GUCY2C: variants seen among roughly 807,000 people sequenced by gnomAD.
GUCY2C encodes the protein guanylyl cyclase C.
In GUCY2C, 118 loss-of-function variants were observed where a neutral mutation model predicts 131.1. The ratio of observed to expected loss-of-function variants is 0.90; its 90% CI spans 0.78 to 1.05. The LOEUF (loss-of-function observed/expected upper bound fraction) is 1.05. Ranked by LOEUF, GUCY2C falls within the 50% of genes least tolerant of loss-of-function variation. The probability of loss-of-function intolerance (pLI) is 0.00; values close to 1 mark genes in which losing one functional copy is unlikely to be tolerated. For missense variants in GUCY2C, 1,161 were observed against 1,304.4 expected, an observed-to-expected ratio of 0.89 and a Z score of 1.69; for synonymous variants, 452 against 457.8, an observed-to-expected ratio of 0.99 and a Z score of 0.16.
chr12:14,660,810 A>T (rs751033283), intron 11 of GUCY2C, among the ~76,000 whole-genome samples, 171 bp downstream of exon 11: 1 of 152,214 alleles, frequency 6.6e-6, no homozygotes. Context: ...TATTCACTCA[A>T]TAATATTCTG....
intron 15 of GUCY2C, among the ~76,000 whole-genome samples, chr12:14,646,641 T>A (rs1450064273): frequency 1.3e-5 from 2 of 152,240 alleles, no homozygotes; most frequent in African/African-American, 4.8e-5. Context: ...CTCATTCTGG[T>A]ATTTTCTTTT....
At chr12:14,614,476 A>G (rs1946715566) in intron 26 of GUCY2C, 1 of 168,372 alleles carries the variant, frequency 5.9e-6, no homozygotes, top group Admixed American at 6.4e-5. Context: ...AAATAACAAA[A>G]TCTCCTCAAG....
rs201630867 is a variant in GUCY2C, at chr12:14,664,873, CATTT to C, written c.1283-3815_1283-3812del. On this transcript the variant is annotated intron_variant, in intron 10 of 26. Transcript: ENST00000261170. ...TCATTCATTCATTCATTCATTCATT[CATTT>C]ATTCATTCCAAGGCACTGTGTTGGG... Among the ~76,000 whole-genome samples, 131 of 150,894 alleles carry C rather than the reference CATTT, an allele frequency of 8.7e-4. 1 individual carries two copies. The highest frequency in any genetic ancestry group is 3.1e-3 in the African/African-American group (127 of 40,364).
intron 15 of GUCY2C, among the ~76,000 whole-genome samples, chr12:14,648,330 C>A (rs1366776859): frequency 6.6e-6 from 1 of 151,350 alleles, no homozygotes; most frequent in African/African-American, 2.4e-5. Context: ...AATGGAGTCA[C>A]AAATGTTGAA....
intron 21 of GUCY2C, among the ~76,000 whole-genome samples, chr12:14,622,670 G>T (rs757630856): frequency 5.9e-5 from 9 of 152,060 alleles, no homozygotes; most frequent in Admixed American, 1.3e-4. Flanking sequence ...ATGTAATATG[G>T]CATTGCTTAA....
Position 14,656,567 on chromosome 12 carries a change from G to A in GUCY2C, c.1415C>T (p.Pro472Leu), listed in dbSNP as rs760181030. 1.2e-6 allele frequency: 2 copies of A among 1,604,804 alleles called. No homozygotes were observed. Among genetic ancestry groups the A allele is most frequent in the South Asian group, 1.1e-5 (1 of 90,766 alleles). Residue 472 changes from proline (P) to leucine (L), a missense_variant, in exon 12 of 27, where the codon CCT (proline) becomes CTT (leucine). Physicochemically the swap from Pro to Leu is moderately conservative, Grantham distance 98. Transcript: ENST00000261170. ...ELRQKKWSHI[P>L]PENIFPLETN... is the part of the protein sequence containing the mutation. ...CTCCAGAGGAAAGATATTTTCAGGAGGAATGTGGGACCATTTTTTCTGACG... is the reference window on the plus strand; with the variant it reads ...CTCCAGAGGAAAGATATTTTCAGGAAGAATGTGGGACCATTTTTTCTGACG...
chr12:14,638,145 G>GC (rs1221721375), intron 19 of GUCY2C, among the ~76,000 whole-genome samples: 29 of 152,310 alleles, frequency 1.9e-4, no homozygotes, highest in African/African-American at 7.0e-4. Flanking sequence ...TCAGGGAAAT[G>GC]CAAGTCAAAA....
intron 19 of GUCY2C, among the ~76,000 whole-genome samples, chr12:14,635,192 A>G (rs1460061395): frequency 6.6e-6 from 1 of 152,222 alleles, no homozygotes; most frequent in Non-Finnish European, 1.5e-5. Context: ...AACATTCTCC[A>G]GGATAGACCA....
At position 14,626,208 on chromosome 12, in the gene GUCY2C, C is replaced by A. The variant is rs7304147; in HGVS notation, c.2250-293G>T. 0.83 allele frequency among the ~76,000 whole-genome samples: 126,456 copies of A among 151,952 alleles called. 57,054 individuals carry two copies. The highest frequency in any genetic ancestry group is 0.99 in the East Asian group (5,093 of 5,150). On this transcript the variant is annotated intron_variant, in intron 20 of 26. Transcript: ENST00000261170. ...TACAGAAATTAGCCGGGCATGGTGG[C>A]ACTACTCCAGAGGCCGAGGCAGGAG...
At chr12:14,692,158 A>G (rs1425196728) in intron 1 of GUCY2C, among the ~76,000 whole-genome samples, 1 of 152,152 alleles carries the variant, frequency 6.6e-6, no homozygotes, top group African/African-American at 2.4e-5. Context: ...CATTTTTATA[A>G]TTATACTAAG....
At chr12:14,645,473 C>A (rs1399853806) in intron 15 of GUCY2C, among the ~76,000 whole-genome samples, 158 bp from the exon 16 acceptor site, 1 of 152,092 alleles carries the variant, frequency 6.6e-6, no homozygotes, top group African/African-American at 2.4e-5. Flanking sequence ...TGTGTTTTTT[C>A]CTTTTCTGCA....
intron 17 of GUCY2C, among the ~76,000 whole-genome samples, chr12:14,642,360 C>T (rs555259686): frequency 3.2e-4 from 48 of 152,246 alleles, no homozygotes; most frequent in African/African-American, 1.1e-3. Flanking sequence ...CAACATGCTT[C>T]GTAAGTTTTT....
In GUCY2C at chr12:14,624,050, G is replaced by A. The variant is rs140357785; in HGVS notation, c.2408+1707C>T. Among the ~76,000 whole-genome samples, 3 of 152,294 alleles carry A rather than the reference G, an allele frequency of 2.0e-5. No homozygotes were observed. In the East Asian group the frequency reaches 5.8e-4, roughly 29 times the overall value. On this transcript the variant is annotated intron_variant, in intron 21 of 26. Coordinates refer to ENST00000261170, the MANE Select transcript of GUCY2C (RefSeq NM_004963.4). The stretch of plus-strand genomic sequence containing the variant: ...CTCATGTTGTAAATAAACGAAGGAA[G>A]GGCTGGGAGTTAACATGATGAGCTT...
At chr12:14,673,270 T>A (rs115208923) in intron 8 of GUCY2C, among the ~76,000 whole-genome samples, 2,096 of 152,276 alleles carry the variant, frequency 0.014, 51 homozygotes, top group African/African-American at 0.046. Context: ...TTGCTAAGAA[T>A]ATTTCCTGAA....
chr12:14,684,477 C>T (rs1397792529), intron 3 of GUCY2C, among the ~76,000 whole-genome samples: 1 of 151,202 alleles, frequency 6.6e-6, no homozygotes, highest in African/African-American at 2.4e-5. Context: ...AGAGGTGACC[C>T]TTCCCTTCTG....
chr12:14,692,446 A>T lies in GUCY2C; in HGVS notation c.217+3786T>A, dbSNP rs1055116834. ...TATTTATTTTTTTTGATGAATTTAT[A>T]AAAAATGTTTAAAATGTTTCTCAGT... On this transcript the variant is annotated intron_variant, in intron 1 of 26. Transcript: ENST00000261170. Among the ~76,000 whole-genome samples, 94 of 152,266 alleles carry T rather than the reference A, an allele frequency of 6.2e-4. 1 individual carries two copies. The highest frequency in any genetic ancestry group is 2.2e-3 in the African/African-American group (93 of 41,538).
At chr12:14,626,806 A>G (rs1947027513) in intron 20 of GUCY2C, among the ~76,000 whole-genome samples, 1 of 152,176 alleles carries the variant, frequency 6.6e-6, no homozygotes, top group Admixed American at 6.5e-5. Context: ...TTTTTTGAAG[A>G]CTGGTGGTCA....
At chr12:14,644,009 A>G (rs541714911) in intron 16 of GUCY2C, among the ~76,000 whole-genome samples, 1 of 152,324 alleles carries the variant, frequency 6.6e-6, no homozygotes, top group East Asian at 1.9e-4. Flanking sequence ...GTTTCTGCTT[A>G]CCACTTATTT....
At chr12:14,627,146 A>G (rs991168257) in intron 20 of GUCY2C, among the ~76,000 whole-genome samples, 8 of 152,318 alleles carry the variant, frequency 5.3e-5, no homozygotes, top group African/African-American at 1.9e-4. Flanking sequence ...AGGATCAGAG[A>G]TAATGTTCAT....
Sources: allele counts gnomAD v4.1 joint callset (sites outside exome capture counted in the v4.1 genomes callset), GRCh38; gene constraint gnomAD v4.1.1; transcripts MANE v1.5; gene names NCBI Gene and HGNC (gene_info 2026-07-23, HGNC 2026-07-21).